FER1L6: variants seen among roughly 807,000 people sequenced by gnomAD.
FER1L6 encodes the protein fer-1 like family member 6.
A neutral mutation model predicts 219.2 loss-of-function variants in FER1L6; 177 were observed. That is an observed-to-expected ratio of 0.81 (90% confidence interval 0.71 to 0.91). The LOEUF is 0.91. Among genes scored for constraint, FER1L6 ranks in the 40% least tolerant of loss-of-function variants. FER1L6 has a pLI of 0.00. For synonymous variants in FER1L6, 768 were observed against 824.3 expected (o/e 0.93, Z 1.17); for missense variants, 2,153 against 2,259.9 (o/e 0.95, Z 0.96).
intron 1 of FER1L6, among the ~76,000 whole-genome samples, chr8:123,935,080 G>A (rs1210826062): frequency 2.0e-5 from 3 of 152,148 alleles, no homozygotes. Flanking sequence ...CTTCATTGAT[G>A]ATTCTTAGCT....
chr8:123,968,317 A>G (rs999962793), intron 5 of FER1L6, among the ~76,000 whole-genome samples: 4 of 152,248 alleles, frequency 2.6e-5, no homozygotes, highest in South Asian at 2.1e-4. Flanking sequence ...TAGAAAAATC[A>G]CATAGAAACA....
intron 22 of FER1L6, 50 bp downstream of exon 22, chr8:124,049,806 G>A (rs1819922086): frequency 1.9e-6 from 3 of 1,594,228 alleles, no homozygotes; most frequent in Admixed American, 1.7e-5. Context: ...CCTGGCCAGA[G>A]AAGTGGCCTC....
chr8:123,905,745 T>C (rs1030448038), intron 1 of FER1L6, among the ~76,000 whole-genome samples: 1 of 152,218 alleles, frequency 6.6e-6, no homozygotes, highest in African/African-American at 2.4e-5. Context: ...TGGCACATGA[T>C]AATCTCTTAA....
At position 123,853,824 on chromosome 8, in the gene FER1L6, G is replaced by A. The variant is rs553653014; in HGVS notation, c.-8+1639G>A. Among the ~76,000 whole-genome samples the A allele has an allele frequency of 1.5e-3, 232 of 152,216 alleles. 4 individuals are homozygous for A. The highest frequency in any genetic ancestry group is 0.014 in the Admixed American group (211 of 15,288). ...ACGATGTAAGAAGGAACAACATCGC[G>A]GCCTTGATGAAGCCACAGTGATGCT... On this transcript the variant is annotated intron_variant, in intron 1 of 40. Transcript: ENST00000522917. This position sits in a 1 kb window ranked among gnomAD's most constrained non-coding sequence, Gnocchi z 6.6.
At chr8:124,099,138 G>A (rs1366057522) in intron 37 of FER1L6, among the ~76,000 whole-genome samples, 1 of 152,080 alleles carries the variant, frequency 6.6e-6, no homozygotes, top group African/African-American at 2.4e-5. Flanking sequence ...TCATAGCATT[G>A]TCCTGGGCCA....
intron 39 of FER1L6, among the ~76,000 whole-genome samples, chr8:124,113,443 T>C (rs925760294): frequency 1.8e-4 from 28 of 152,306 alleles, no homozygotes; most frequent in Non-Finnish European, 2.6e-4. Context: ...CTCAGGAATA[T>C]AGACAGTGTC....
chr8:124,000,608 C>T (rs1038575606), intron 12 of FER1L6, among the ~76,000 whole-genome samples: 2 of 152,168 alleles, frequency 1.3e-5, no homozygotes, highest in Admixed American at 1.3e-4. Flanking sequence ...GAAATGAATT[C>T]CTCATAGAGT....
chr8:123,943,780 T>A (rs763643933), intron 1 of FER1L6, among the ~76,000 whole-genome samples: 1 of 151,826 alleles, frequency 6.6e-6, no homozygotes, highest in Non-Finnish European at 1.5e-5. Flanking sequence ...CTTCTGCTTG[T>A]CCTTAGAAAC....
At chr8:123,905,944 A>G (rs555641365) in intron 1 of FER1L6, among the ~76,000 whole-genome samples, 1 of 152,166 alleles carries the variant, frequency 6.6e-6, no homozygotes, top group African/African-American at 2.4e-5. Flanking sequence ...TTTTGAAGGG[A>G]TATTGCATTG....
chr8:124,057,409 G>A (rs1820351233), intron 22 of FER1L6, among the ~76,000 whole-genome samples: 1 of 151,668 alleles, frequency 6.6e-6, no homozygotes, highest in Non-Finnish European at 1.5e-5. Flanking sequence ...CTTTATTTTT[G>A]GTTTTTAGCA....
intron 22 of FER1L6, among the ~76,000 whole-genome samples, chr8:124,052,492 A>G (rs1481362531): frequency 6.6e-6 from 1 of 152,116 alleles, no homozygotes; most frequent in African/African-American, 2.4e-5. Context: ...AGTTAAAGAA[A>G]TGCTTCACAT....
chr8:123,887,388 G>A (rs1817223424), intron 1 of FER1L6, among the ~76,000 whole-genome samples: 1 of 152,164 alleles, frequency 6.6e-6, no homozygotes, highest in Non-Finnish European at 1.5e-5. Context: ...CATGGGCTGA[G>A]TGTCTCAGAA....
At chr8:124,039,829 A>G in intron 19 of FER1L6, 53 bp from the exon 20 acceptor site, 1 of 1,612,058 alleles carries the variant, frequency 6.2e-7, no homozygotes, top group African/African-American at 1.3e-5. Context: ...ATGTGCACAC[A>G]CTGTTCTTGA....
intron 26 of FER1L6, among the ~76,000 whole-genome samples, chr8:124,065,736 A>G (rs1372576176): frequency 6.6e-6 from 1 of 152,232 alleles, no homozygotes; most frequent in Non-Finnish European, 1.5e-5. Context: ...TGCCTGGGTC[A>G]TAGTACAACT....
Position 124,109,878 on chromosome 8 carries a change from T to C in FER1L6, c.5289+6569T>C, listed in dbSNP as rs75727788. Among the ~76,000 whole-genome samples, 238 of 152,338 alleles carry C rather than the reference T, an allele frequency of 1.6e-3. 7 individuals carry two copies. The East Asian group carries it at 0.044, about 28-fold the overall frequency. On this transcript the variant is annotated intron_variant, in intron 39 of 40. Transcript: ENST00000522917. ...CTGTGGTAGTAACAAGCGTTGCTAATATGAACTGACTACCAGAACCAGTTC... is the reference window on the plus strand; with the variant it reads ...CTGTGGTAGTAACAAGCGTTGCTAACATGAACTGACTACCAGAACCAGTTC...
intron 6 of FER1L6, among the ~76,000 whole-genome samples, chr8:123,970,906 T>C (rs1815776228): frequency 1.3e-5 from 2 of 152,200 alleles, no homozygotes. Context: ...GATGACATAC[T>C]GCATCTACCT....
At chr8:124,066,336 A>C in intron 26 of FER1L6, 92 bp from the exon 27 acceptor site, 1 of 1,433,330 alleles carries the variant, frequency 7.0e-7, no homozygotes. Context: ...TCCAGTGGAC[A>C]CCTAAATGTT....
intron 12 of FER1L6, among the ~76,000 whole-genome samples, chr8:123,987,314 C>CT (rs948402603): frequency 6.6e-6 from 1 of 152,004 alleles, no homozygotes; most frequent in Non-Finnish European, 1.5e-5. Context: ...ATTTGTATGT[C>CT]TTTTTTTGAG....
At chr8:123,952,365 C>T (rs922914455) in intron 1 of FER1L6, among the ~76,000 whole-genome samples, 3 of 152,202 alleles carry the variant, frequency 2.0e-5, no homozygotes, top group Admixed American at 2.0e-4. Flanking sequence ...AGTGATGCCA[C>T]CTGAACAGAT....
Sources: gnomAD v4.1 joint callset for allele counts (sites outside exome capture counted in the v4.1 genomes callset) on GRCh38, gnomAD v4.1.1 for gene constraint, Gnocchi (gnomAD v3.1) non-coding constraint, MANE v1.5 for transcripts, NCBI Gene and HGNC (gene_info 2026-07-23, HGNC 2026-07-21) for gene names.